USP34: variants seen among roughly 807,000 people sequenced by gnomAD.
The protein encoded by USP34 is ubiquitin specific peptidase 34.
Under a neutral mutation model 460.3 loss-of-function variants are expected in USP34, and 70 were observed. That is an observed-to-expected ratio of 0.15 (90% CI 0.13 to 0.19). USP34 has a LOEUF of 0.19. Ranked by LOEUF, USP34 falls within the 10% of genes least tolerant of loss-of-function variation. The probability of loss-of-function intolerance (pLI) is 1.00; values close to 1 mark genes in which losing one functional copy is unlikely to be tolerated. For missense variants in USP34, 3,985 were observed against 4,236.2 expected (o/e 0.94, Z 1.65); for synonymous variants, 1,647 against 1,405.3 (o/e 1.17, Z -3.85).
intron 1 of USP34, among the ~76,000 whole-genome samples, chr2:61,444,361 C>T (rs376526070): frequency 2.6e-5 from 4 of 151,476 alleles, no homozygotes; most frequent in African/African-American, 7.3e-5. Context: ...ACTGAGAAAT[C>T]GAAAAAGGAA....
chr2:61,288,280 G>A (rs1689746516), intron 34 of USP34, among the ~76,000 whole-genome samples: 1 of 152,174 alleles, frequency 6.6e-6, no homozygotes, highest in Non-Finnish European at 1.5e-5. Flanking sequence ...GGTGATAAAT[G>A]GCTCCTTATC....
At chr2:61,380,452 A>G in intron 6 of USP34, 91 bp from the exon 7 acceptor site, 2 of 1,351,564 alleles carry the variant, frequency 1.5e-6, no homozygotes, top group Non-Finnish European at 2.0e-6. Flanking sequence ...TGTAAGCATT[A>G]ACATTTTTTG....
chr2:61,328,182 T>A (rs1302588199), intron 20 of USP34, among the ~76,000 whole-genome samples: 5 of 151,640 alleles, frequency 3.3e-5, no homozygotes, highest in Non-Finnish European at 7.4e-5. Context: ...GGCACCTGGA[T>A]TCCCAGCTAC....
chr2:61,378,937 A>AAAAAAAAAC (rs1692886184), intron 7 of USP34, among the ~76,000 whole-genome samples: 1 of 131,448 alleles, frequency 7.6e-6, no homozygotes, highest in South Asian at 2.3e-4. Context: ...AAAAAAAAAA[A>AAAAAAAAAC]CAACACTAAA....
At chr2:61,407,396 G>A (rs1029065700) in intron 2 of USP34, among the ~76,000 whole-genome samples, 11 of 152,130 alleles carry the variant, frequency 7.2e-5, no homozygotes, top group Non-Finnish European at 5.9e-5. Flanking sequence ...GAATCAATAG[G>A]CAATTAATAC....
At chr2:61,280,468 T>C (rs978333253) in intron 38 of USP34, 120 bp from the exon 39 acceptor site, 2 of 457,324 alleles carry the variant, frequency 4.4e-6, no homozygotes, top group African/African-American at 4.1e-5. Context: ...GTATTCAAAA[T>C]CTTTTTAAAA....
chr2:61,410,004 A>G (rs913779474), intron 2 of USP34, among the ~76,000 whole-genome samples: 6 of 152,204 alleles, frequency 3.9e-5, no homozygotes, highest in Non-Finnish European at 5.9e-5. Context: ...AGGTATATGA[A>G]TTCTCAATAC....
chr2:61,300,337 C>T (rs965064501), intron 29 of USP34, among the ~76,000 whole-genome samples: 3 of 151,924 alleles, frequency 2.0e-5, no homozygotes, highest in African/African-American at 4.8e-5. Flanking sequence ...AGCTAGCACA[C>T]GGCACCATGC....
Position 61,428,067 on chromosome 2 carries a change from A to G in USP34, c.44-7234T>C, listed in dbSNP as rs770680370. Among the ~76,000 whole-genome samples, 26 of 151,362 alleles carry G rather than the reference A, an allele frequency of 1.7e-4. 1 individual carries two copies. Among genetic ancestry groups the G allele is most frequent in the Non-Finnish European group, 3.1e-4 (21 of 67,906 alleles). On this transcript the variant is annotated intron_variant, in intron 1 of 79. Transcript: ENST00000398571. ...GTAGTCCCAGCTACTTGGGAGGCTGAGGCAGAAGAATCGCTTGAACCCGGG... is the reference window on the plus strand; with the variant it reads ...GTAGTCCCAGCTACTTGGGAGGCTGGGGCAGAAGAATCGCTTGAACCCGGG...
intron 23 of USP34, among the ~76,000 whole-genome samples, chr2:61,316,039 TAAAAA>T (rs539035606): frequency 1.6e-5 from 2 of 126,564 alleles, no homozygotes; most frequent in African/African-American, 5.9e-5. Context: ...GTCTCTACTT[TAAAAA>T]AAAAAAAAAA....
intron 1 of USP34, among the ~76,000 whole-genome samples, chr2:61,447,418 C>G (rs1695152348): frequency 6.6e-6 from 1 of 151,994 alleles, no homozygotes; most frequent in Non-Finnish European, 1.5e-5. Flanking sequence ...TTATCACTGG[C>G]AATTAACATT....
At chr2:61,289,742 A>G (rs1249138858) in intron 33 of USP34, among the ~76,000 whole-genome samples, 1 of 152,188 alleles carries the variant, frequency 6.6e-6, no homozygotes, top group Non-Finnish European at 1.5e-5. Flanking sequence ...AAATAGCCGT[A>G]TGAAGAAGGA....
At chr2:61,407,142 T>C (rs1693897377) in intron 2 of USP34, among the ~76,000 whole-genome samples, 1 of 152,174 alleles carries the variant, frequency 6.6e-6, no homozygotes, top group Non-Finnish European at 1.5e-5. Flanking sequence ...TCCCAACACT[T>C]TGGGAGACCA....
At chr2:61,278,053 C>G (rs1003759143) in intron 41 of USP34, 112 bp downstream of exon 41, 9 of 1,296,188 alleles carry the variant, frequency 6.9e-6, no homozygotes, top group South Asian at 3.1e-5. Flanking sequence ...TTGTAAACTG[C>G]CCAGTCTCGG....
At chr2:61,434,617 G>A (rs1161864419) in intron 1 of USP34, among the ~76,000 whole-genome samples, 2 of 152,182 alleles carry the variant, frequency 1.3e-5, no homozygotes, top group East Asian at 3.8e-4. Flanking sequence ...CTAGGCTGCT[G>A]AGAAACTCTC....
chr2:61,234,893 C>T (rs923990157), intron 57 of USP34, among the ~76,000 whole-genome samples: 2 of 152,164 alleles, frequency 1.3e-5, no homozygotes, highest in African/African-American at 4.8e-5. Context: ...GCCTCAGCCT[C>T]CCAAAGTGCT....
At chr2:61,458,321 G>C (rs1481624809) in intron 1 of USP34, among the ~76,000 whole-genome samples, 1 of 152,128 alleles carries the variant, frequency 6.6e-6, no homozygotes, top group African/African-American at 2.4e-5. Context: ...AGCACTTTGG[G>C]AGGCAGAGGC....
At chr2:61,241,951 G>A (rs968355090) in intron 51 of USP34, 132 bp from the exon 52 acceptor site, 19 of 504,540 alleles carry the variant, frequency 3.8e-5, no homozygotes, top group East Asian at 1.1e-4. Flanking sequence ...AAACACCGCC[G>A]CCTTCATAAA....
At chr2:61,256,216 G>T (rs1404999565) in intron 48 of USP34, among the ~76,000 whole-genome samples, 168 bp downstream of exon 48, 1 of 152,038 alleles carries the variant, frequency 6.6e-6, no homozygotes, top group Non-Finnish European at 1.5e-5. Flanking sequence ...AAAATAAATG[G>T]TAATTCACTG....
Sources: allele counts gnomAD v4.1 joint callset (sites outside exome capture counted in the v4.1 genomes callset), GRCh38; gene constraint gnomAD v4.1.1; transcripts MANE v1.5; gene names NCBI Gene and HGNC (gene_info 2026-07-23, HGNC 2026-07-21).